Variants in RBM20 observed in about 807,000 individuals in gnomAD.
The protein encoded by RBM20 is RNA binding motif protein 20, also known as RNA-binding protein 20.
In RBM20, 51 loss-of-function variants were observed where a neutral mutation model predicts 110.1. The observed-to-expected ratio is 0.46, with a 90% confidence interval of 0.37 to 0.59. The LOEUF is 0.59. Ranked by LOEUF, RBM20 falls within the 20% of genes least tolerant of loss-of-function variation. The pLI is 0.00. For missense variants in RBM20, 1,512 were observed against 1,574.9 expected, an observed-to-expected ratio of 0.96 and a Z score of 0.68; for synonymous variants, 589 against 618.2, an observed-to-expected ratio of 0.95 and a Z score of 0.70.
rs540014314 is a variant in RBM20 at position 110,821,666 on chromosome 10, G to C, written c.3047G>C (p.Gly1016Ala). 1.4e-4 allele frequency: 219 copies of C among 1,551,812 alleles called. 3 individuals carry two copies. In the South Asian group the frequency reaches 2.3e-3, roughly 17 times the overall value. Reference sequence around the variant, plus strand: ...CGGAAGCCAGCTGAAAGTGAGACAGGCCTCTCCCTGGAGGATTCAGATTGC... The same window carrying C: ...CGGAAGCCAGCTGAAAGTGAGACAGCCCTCTCCCTGGAGGATTCAGATTGC... ...AERKPAESET[G>A]LSLEDSDCYE... Residue 1016 changes from glycine (G) to alanine (A), a missense_variant, in exon 11 of 14, where the codon GGC (glycine) becomes GCC (alanine). Physicochemically the swap from Gly to Ala is moderately conservative, Grantham distance 60. Coordinates refer to ENST00000369519, the MANE Select transcript of RBM20 (RefSeq NM_001134363.3).
chr10:110,752,643 A>T (rs1843868242), intron 1 of RBM20, among the ~76,000 whole-genome samples: 1 of 152,108 alleles, frequency 6.6e-6, no homozygotes, highest in African/African-American at 2.4e-5. Context: ...TTTCATTGTA[A>T]AATATTGCAT....
chr10:110,799,109 G>A (rs1390385809), intron 6 of RBM20, among the ~76,000 whole-genome samples: 1 of 152,188 alleles, frequency 6.6e-6, no homozygotes, highest in East Asian at 1.9e-4. Flanking sequence ...CTAGGGGTTT[G>A]TGAGTTCCTG....
At chr10:110,748,665 T>TTC (rs151057897) in intron 1 of RBM20, among the ~76,000 whole-genome samples, 2,062 of 151,204 alleles carry the variant, frequency 0.014, 11 homozygotes, top group African/African-American at 0.016. Context: ...TAGTTATATC[T>TTC]TCTCTCTCTC....
At chr10:110,710,659 G>A (rs982751801) in intron 1 of RBM20, among the ~76,000 whole-genome samples, 1 of 152,244 alleles carries the variant, frequency 6.6e-6, no homozygotes, top group African/African-American at 2.4e-5. Context: ...CCCCTTTGGG[G>A]GCAAATGATG....
chr10:110,831,332 C>T, intron 13 of RBM20, 150 bp downstream of exon 13: 1 of 708,946 alleles, frequency 1.4e-6, no homozygotes, highest in South Asian at 2.2e-5. Context: ...TGCCATTCCC[C>T]AAGCACACCA....
chr10:110,816,146 T>C (rs1322757533), intron 9 of RBM20, among the ~76,000 whole-genome samples: 1 of 152,126 alleles, frequency 6.6e-6, no homozygotes. Flanking sequence ...GTGTTGCTGC[T>C]GCCGAGGAGC....
intron 5 of RBM20, among the ~76,000 whole-genome samples, chr10:110,792,887 C>A (rs1007119107): frequency 2.0e-5 from 3 of 152,072 alleles, no homozygotes; most frequent in African/African-American, 7.2e-5. Context: ...GGTTAAACAG[C>A]CAATTACACA....
chr10:110,734,016 C>CT (rs151040747), intron 1 of RBM20, among the ~76,000 whole-genome samples: 3 of 151,870 alleles, frequency 2.0e-5, no homozygotes, highest in Non-Finnish European at 2.9e-5. Flanking sequence ...CATTTCTTCT[C>CT]TTTTTTTTGT....
intron 1 of RBM20, among the ~76,000 whole-genome samples, chr10:110,674,254 G>C (rs1176628175): frequency 2.0e-5 from 3 of 152,116 alleles, no homozygotes; most frequent in Non-Finnish European, 4.4e-5. Context: ...CAATTCTTAT[G>C]TTCTGTAAAA....
In RBM20 at chr10:110,821,332, A is replaced by G. The variant is rs1454732710; in HGVS notation, c.2713A>G (p.Met905Val). 1 of 1,551,774 alleles carries G rather than the reference A, an allele frequency of 6.4e-7. No homozygotes were observed. The highest frequency in any genetic ancestry group is 8.7e-7 in the Non-Finnish European group (1 of 1,146,992). ...GGGGGAGAGCTGGTATCCCACTAAC[A>G]TGGAGGAGCTGGTGACAGTGGACGA... is the stretch of plus-strand genomic sequence containing the variant. ...AEGESWYPTNMEELVTVDEVG... is the reference protein window; with the variant it reads ...AEGESWYPTNVEELVTVDEVG... Residue 905 changes from methionine (M) to valine (V), a missense_variant, in exon 11 of 14, where the codon ATG becomes GTG. Physicochemically the swap from Met to Val is conservative, Grantham distance 21. Around this residue, in one of 3 missense-constraint regions of RBM20, gnomAD observed 5 missense variants for 21.3 expected, o/e 0.23. Coordinates refer to ENST00000369519, the MANE Select transcript of RBM20 (RefSeq NM_001134363.3).
At chr10:110,689,446 G>A (rs985939159) in intron 1 of RBM20, among the ~76,000 whole-genome samples, 14 of 152,252 alleles carry the variant, frequency 9.2e-5, no homozygotes, top group Non-Finnish European at 1.8e-4. Flanking sequence ...GAGAAAGTTG[G>A]AAATCCATGG....
chr10:110,784,433 G>A lies in RBM20; in HGVS notation c.1429+1G>A, dbSNP rs1193393493. 2 of 1,550,168 alleles carry A rather than the reference G, an allele frequency of 1.3e-6. No individual in the cohort carries two copies. The highest frequency in any genetic ancestry group is 1.7e-6 in the Non-Finnish European group (2 of 1,145,890). Reference sequence around the variant, plus strand: ...GTTTATAACCCTGCTGGGAATGAAGGTGAGCAAGGCCCTACAGGTCAGCAG... The same window carrying A: ...GTTTATAACCCTGCTGGGAATGAAGATGAGCAAGGCCCTACAGGTCAGCAG... On this transcript the variant is annotated splice_donor_variant, in intron 4 of 13. Coordinates refer to ENST00000369519, the MANE Select transcript of RBM20 (RefSeq NM_001134363.3). LOFTEE classifies it high-confidence loss of function.
At chr10:110,699,085 T>C (rs932038209) in intron 1 of RBM20, among the ~76,000 whole-genome samples, 4 of 152,088 alleles carry the variant, frequency 2.6e-5, no homozygotes, top group Non-Finnish European at 5.9e-5. Flanking sequence ...GCACAGGCAA[T>C]GCAAGAAGCC....
intron 1 of RBM20, among the ~76,000 whole-genome samples, chr10:110,716,702 A>G (rs1863022501): frequency 6.6e-6 from 1 of 152,112 alleles, no homozygotes; most frequent in Non-Finnish European, 1.5e-5. Flanking sequence ...TCCTGAGGTC[A>G]GGAGATCAAG....
intron 1 of RBM20, among the ~76,000 whole-genome samples, chr10:110,766,803 C>T (rs1844092732): frequency 2.0e-5 from 3 of 151,532 alleles, no homozygotes; most frequent in Admixed American, 6.6e-5. Flanking sequence ...CACAAAACCG[C>T]CATTGTCATC....
At chr10:110,686,015 A>G (rs1047420053) in intron 1 of RBM20, among the ~76,000 whole-genome samples, 1 of 152,168 alleles carries the variant, frequency 6.6e-6, no homozygotes, top group Non-Finnish European at 1.5e-5. Context: ...TAAATGCTAT[A>G]TGTATTCCCA....
chr10:110,760,007 G>A (rs940975370), intron 1 of RBM20, among the ~76,000 whole-genome samples: 1 of 152,290 alleles, frequency 6.6e-6, no homozygotes, highest in East Asian at 1.9e-4. Context: ...TGGTGGTGGG[G>A]GGCACAGGGG....
Position 110,820,126 on chromosome 10 carries a change from C to G in RBM20, c.2605C>G (p.Gln869Glu). The G allele has an allele frequency of 6.4e-7, 1 of 1,551,456 alleles. No homozygotes were observed. The highest frequency in any genetic ancestry group is 8.7e-7 in the Non-Finnish European group (1 of 1,146,850). Residue 869 changes from glutamine (Q) to glutamate (E), a missense_variant, in exon 10 of 14, where the codon CAG becomes GAG. By Grantham distance (29) the Gln-to-Glu change is conservative. Transcript: ENST00000369519. ...MEESPQSVGR[Q>E]EKEAEFSDPE... Reference sequence around the variant, plus strand: ...AGAAAGCCCTCAATCAGTGGGCAGACAGGAGAAAGAAGCAGAGTTCTCTGA... The same window carrying G: ...AGAAAGCCCTCAATCAGTGGGCAGAGAGGAGAAAGAAGCAGAGTTCTCTGA...
intron 7 of RBM20, among the ~76,000 whole-genome samples, chr10:110,805,052 ATGAT>A (rs1274887346): frequency 6.6e-6 from 1 of 152,196 alleles, no homozygotes; most frequent in African/African-American, 2.4e-5. Flanking sequence ...AGTTGGGAAG[ATGAT>A]TGAGAGTCTT....
Sources: gnomAD v4.1 joint callset for allele counts (sites outside exome capture counted in the v4.1 genomes callset) on GRCh38, gnomAD v4.1.1 for gene constraint, gnomAD v4.1.1 regional missense constraint, MANE v1.5 for transcripts, NCBI Gene and HGNC (gene_info 2026-07-23, HGNC 2026-07-21) for gene names.